The following DBT variants were observed in gnomAD, a reference collection of about 807,000 sequenced individuals.
DBT encodes the protein dihydrolipoamide branched chain transacylase E2.
DBT carries 40 observed loss-of-function variants against 51.3 expected under a neutral mutation model. The ratio of observed to expected loss-of-function variants is 0.78; its 90% CI spans 0.61 to 1.02. DBT has a LOEUF of 1.02. DBT is among the 50% of genes least tolerant of loss of function. The pLI is 0.00. For missense variants in DBT, 510 were observed against 580.2 expected, an observed-to-expected ratio of 0.88 and a Z score of 1.24; for synonymous variants, 181 against 190.4, an observed-to-expected ratio of 0.95 and a Z score of 0.41.
chr1:100,223,593 C>A lies in DBT; in HGVS notation c.434-4846G>T, dbSNP rs1222012853. Among the ~76,000 whole-genome samples, 6 of 152,116 alleles carry A rather than the reference C, an allele frequency of 3.9e-5. No individual in the cohort carries two copies. The East Asian group carries it at 1.2e-3, about 29-fold the overall frequency. ...GCGATCCTCCCACCTCAGCCTCCTG[C>A]ATAGCTGGGACTACAGGTGTGCTCC... is the stretch of plus-strand genomic sequence containing the variant. On this transcript the variant is annotated intron_variant, in intron 4 of 10. Transcript: ENST00000370132.
At chr1:100,236,809 A>C (rs1168508819) in intron 2 of DBT, among the ~76,000 whole-genome samples, 2 of 152,362 alleles carry the variant, frequency 1.3e-5, no homozygotes, top group East Asian at 3.9e-4. Context: ...AGCAATATGC[A>C]AGGAACAGCA....
chr1:100,210,319 T>TAAG (rs1398562942), intron 8 of DBT, among the ~76,000 whole-genome samples: 17 of 58,310 alleles, frequency 2.9e-4, no homozygotes, highest in Non-Finnish European at 7.2e-4. Flanking sequence ...ATAATAATAA[T>TAAG]AATAATAAGA....
In DBT at chr1:100,196,430, TGAA is replaced by T. The variant is rs1661098485; in HGVS notation, c.1282-11_1282-9del. The T allele has an allele frequency of 2.2e-4, 109 of 504,310 alleles. No individual in the cohort carries two copies. Among genetic ancestry groups the T allele is most frequent in the African/African-American group, 5.4e-4 (5 of 9,196 alleles). The allele number at this position is 504,310 out of a possible 1,614,324, so 31.2% of individuals were successfully genotyped here. ...GTTAAATCGGGGAATGGCCTAGAAATGAAAAAAAAAAAAAAAAAAAAAAAAAAA... is the reference window on the plus strand; with the variant it reads ...GTTAAATCGGGGAATGGCCTAGAAATAAAAAAAAAAAAAAAAAAAAAAAAA... On this transcript the variant is annotated splice_polypyrimidine_tract_variant and intron_variant, in intron 10 of 10. Transcript: ENST00000370132.
intron 10 of DBT, among the ~76,000 whole-genome samples, chr1:100,205,721 TA>T (rs1210931737): frequency 5.3e-5 from 8 of 152,188 alleles, no homozygotes; most frequent in Admixed American, 5.2e-4. Flanking sequence ...CAATGTTAGT[TA>T]GACTGGATAA....
chr1:100,247,248 T>C (rs1664598009), intron 1 of DBT, among the ~76,000 whole-genome samples: 1 of 152,232 alleles, frequency 6.6e-6, no homozygotes. Flanking sequence ...TCTTACTTTA[T>C]AAGATCACTC....
At chr1:100,230,980 T>C in intron 3 of DBT, 66 bp from the exon 4 acceptor site, 1 of 966,000 alleles carries the variant, frequency 1.0e-6, no homozygotes, top group Admixed American at 1.7e-5. Flanking sequence ...ATTAAGGATG[T>C]AAATGCCATG....
In DBT at chr1:100,190,999, T is replaced by C. The variant is rs1162803873; in HGVS notation, c.*5256A>G. The stretch of plus-strand genomic sequence containing the variant: ...GTCATGTAAATTCAAATAGGTATCT[T>C]CTTTTTCTCTTGATAAATATTCCTG... On this transcript the variant is annotated 3_prime_UTR_variant, in exon 11 of 11. Coordinates refer to ENST00000370132, the MANE Select transcript of DBT (RefSeq NM_001918.5). The C allele has an allele frequency of 6.6e-6, 1 of 152,238 alleles. No homozygotes were observed. The highest frequency in any genetic ancestry group is 1.5e-5 in the Non-Finnish European group (1 of 68,038). The allele number at this position is 152,238 out of a possible 1,614,324, so 9.4% of individuals were successfully genotyped here.
In DBT at chr1:100,188,931, G is replaced by A. The variant is rs1660691504; in HGVS notation, c.*7324C>T. 6.6e-6 allele frequency: 1 copy of A among 152,170 alleles called. No individual in the cohort carries two copies. Among genetic ancestry groups the A allele is most frequent in the Non-Finnish European group, 1.5e-5 (1 of 68,032 alleles). 9.4% of individuals were successfully genotyped at this position (152,170 alleles called of 1,614,324 possible). On this transcript the variant is annotated 3_prime_UTR_variant, in exon 11 of 11. Coordinates refer to ENST00000370132, the MANE Select transcript of DBT (RefSeq NM_001918.5). ...TTTGCTTGTGGTTAAAAGCCTTTGT[G>A]CTCAGTACTGAGACTGCCACATAAT...
In DBT at chr1:100,192,500, T is replaced by A. The variant is rs1660859044; in HGVS notation, c.*3755A>T. 6.6e-6 allele frequency: 1 copy of A among 152,240 alleles called. No homozygotes were observed. The highest frequency in any genetic ancestry group is 6.5e-5 in the Admixed American group (1 of 15,280). 9.4% of individuals were successfully genotyped at this position (152,240 alleles called of 1,614,324 possible). ...TACTGTAGGGCAGTGCTGAGCCCTG[T>A]CATTTCTTTCTTAAACCATAGTTTA... On this transcript the variant is annotated 3_prime_UTR_variant, in exon 11 of 11. Coordinates refer to ENST00000370132, the MANE Select transcript of DBT (RefSeq NM_001918.5).
rs1660600095 is a variant in DBT at position 100,187,110 on chromosome 1, AT to A, written c.*9144del. The A allele has an allele frequency of 6.6e-6, 1 of 152,152 alleles. No homozygotes were observed. The allele number at this position is 152,152 out of a possible 1,614,324, so 9.4% of individuals were successfully genotyped here. On this transcript the variant is annotated 3_prime_UTR_variant, in exon 11 of 11. Transcript: ENST00000370132. ...CTCTGATGAATGAAGTGGTTACCAT[AT>A]TTTTTCCCATTGTGTAAAGATAGTT... is the stretch of plus-strand genomic sequence containing the variant.
intron 10 of DBT, 89 bp downstream of exon 10, chr1:100,206,141 G>T (rs971641029): frequency 7.1e-6 from 6 of 850,294 alleles, no homozygotes; most frequent in Admixed American, 4.3e-5. Flanking sequence ...CCTACAAAAG[G>T]AGGGGAAACC....
chr1:100,214,282 T>C (rs1397331776), intron 7 of DBT, among the ~76,000 whole-genome samples: 3 of 152,224 alleles, frequency 2.0e-5, no homozygotes, highest in African/African-American at 4.8e-5. Context: ...ACTGGCAGAA[T>C]TGTCTCTACC....
In DBT at chr1:100,235,630, A is replaced by G. The variant is rs928451014; in HGVS notation, c.176-119T>C. On this transcript the variant is annotated intron_variant, in intron 2 of 10. Transcript: ENST00000370132. Reference sequence around the variant, plus strand: ...AGGCAGAAATTCTTCCATCTTACAGACAGAAAAACAGCATTTTATAATTTT... The same window carrying G: ...AGGCAGAAATTCTTCCATCTTACAGGCAGAAAAACAGCATTTTATAATTTT... 6 of 603,150 alleles carry G rather than the reference A, an allele frequency of 9.9e-6. No individual in the cohort carries two copies. The Admixed American group carries it at 1.6e-4, about 16-fold the overall frequency. The allele number at this position is 603,150 out of a possible 1,614,324, so 37.4% of individuals were successfully genotyped here.
At chr1:100,239,595 G>A (rs747623915) in intron 2 of DBT, among the ~76,000 whole-genome samples, 37 of 152,028 alleles carry the variant, frequency 2.4e-4, no homozygotes, top group South Asian at 6.2e-4. Context: ...ATGGAAGGCC[G>A]GTGCAGGGCT....
intron 2 of DBT, among the ~76,000 whole-genome samples, chr1:100,237,904 G>T (rs1009177069): frequency 1.3e-5 from 2 of 152,142 alleles, no homozygotes; most frequent in Non-Finnish European, 2.9e-5. Flanking sequence ...GCTTCCCAAA[G>T]TGCTGGGATT....
chr1:100,220,850 A>G (rs773978085), intron 4 of DBT, among the ~76,000 whole-genome samples: 1 of 152,190 alleles, frequency 6.6e-6, no homozygotes, highest in African/African-American at 2.4e-5. Context: ...TACAACTCCT[A>G]TAGTTCAAGG....
intron 10 of DBT, among the ~76,000 whole-genome samples, chr1:100,199,832 G>A (rs1439104168): frequency 6.6e-6 from 1 of 152,116 alleles, no homozygotes; most frequent in Non-Finnish European, 1.5e-5. Context: ...GAAGCCATGA[G>A]GGACCGTGCT....
intron 1 of DBT, among the ~76,000 whole-genome samples, chr1:100,242,817 T>G (rs549969250): frequency 1.7e-4 from 26 of 152,300 alleles, no homozygotes; most frequent in South Asian, 1.7e-3. Context: ...TTAAATAAAA[T>G]TGTTCATATT....
intron 8 of DBT, among the ~76,000 whole-genome samples, chr1:100,208,159 A>G (rs1022515304): frequency 6.6e-6 from 1 of 152,056 alleles, no homozygotes; most frequent in African/African-American, 2.4e-5. Flanking sequence ...AAAAAAACAA[A>G]TCCAACTTTG....
Sources: allele counts gnomAD v4.1 joint callset (sites outside exome capture counted in the v4.1 genomes callset), GRCh38; gene constraint gnomAD v4.1.1; transcripts MANE v1.5; gene names NCBI Gene and HGNC (gene_info 2026-07-23, HGNC 2026-07-21).